FGD6: variants seen among roughly 807,000 people sequenced by gnomAD.
FGD6 encodes the protein FYVE, RhoGEF and PH domain containing 6, also known as FYVE, RhoGEF and PH domain-containing protein 6.
In FGD6, 90 loss-of-function variants were observed where a neutral mutation model predicts 149.4. The ratio of observed to expected loss-of-function variants is 0.60; its 90% CI spans 0.51 to 0.72. The LOEUF (loss-of-function observed/expected upper bound fraction) is 0.72, where lower values mean the gene tolerates loss of function less well. Among genes scored for constraint, FGD6 ranks in the 30% least tolerant of loss-of-function variants. FGD6 has a pLI of 0.00. For missense variants in FGD6, 1,437 were observed against 1,684.8 expected, an observed-to-expected ratio of 0.85 and a Z score of 2.57; for synonymous variants, 527 against 584.0, an observed-to-expected ratio of 0.90 and a Z score of 1.41.
At chr12:95,206,698 GAAAAAAAAA>G (rs746280054) in intron 2 of FGD6, among the ~76,000 whole-genome samples, 1 of 114,806 alleles carries the variant, frequency 8.7e-6, no homozygotes, top group African/African-American at 3.1e-5. Flanking sequence ...TGTCTCCAAA[GAAAAAAAAA>G]AAAAAAAAGA....
In FGD6 at chr12:95,137,211, G is replaced by A. The variant is rs145747957; in HGVS notation, c.2994+311C>T. Among the ~76,000 whole-genome samples, 479 of 152,164 alleles carry A rather than the reference G, an allele frequency of 3.1e-3. 2 individuals carry two copies. The highest frequency in any genetic ancestry group is 8.9e-3 in the Admixed American group (136 of 15,268). The stretch of plus-strand genomic sequence containing the variant: ...GGAGAATCACTTGAACCTGGGAGGC[G>A]GAGGTTGCAGTGAGCCAATCTACGT... On this transcript the variant is annotated intron_variant, in intron 7 of 20. Coordinates refer to ENST00000343958, the MANE Select transcript of FGD6 (RefSeq NM_018351.4).
chr12:95,103,830 C>T (rs1238063325), intron 14 of FGD6, among the ~76,000 whole-genome samples: 1 of 152,206 alleles, frequency 6.6e-6, no homozygotes, highest in Non-Finnish European at 1.5e-5. Flanking sequence ...GCTACTGCAC[C>T]CAGCCCATAA....
chr12:95,209,917 G>A lies in FGD6; in HGVS notation c.1367C>T (p.Pro456Leu). The change falls in exon 2 of 21, where the codon CCT (proline) becomes CTT (leucine). Residue 456 changes from proline (P) to leucine (L), a missense_variant. By Grantham distance (98) the Pro-to-Leu change is moderately conservative (BLOSUM62 -3). This residue lies in a region of FGD6 where 1,055 missense variants were observed against 1,146.0 expected (regional missense o/e 0.92). Coordinates refer to ENST00000343958, the MANE Select transcript of FGD6 (RefSeq NM_018351.4). ...FIRCTVSMSL[P>L]KQLKLTCNEH... ...ATTGCAAGTTAATTTGAGCTGCTTAGGCAGGCTCATAGATACAGTACATCT... is the reference window on the plus strand; with the variant it reads ...ATTGCAAGTTAATTTGAGCTGCTTAAGCAGGCTCATAGATACAGTACATCT... 6.2e-7 allele frequency: 1 copy of A among 1,613,514 alleles called. No individual in the cohort carries two copies. Among genetic ancestry groups the A allele is most frequent in the Non-Finnish European group, 8.5e-7 (1 of 1,179,930 alleles).
chr12:95,158,068 G>A lies in FGD6; in HGVS notation c.2587-5075C>T, dbSNP rs111757247. Reference sequence around the variant, plus strand: ...TGACCATGTTGGCCAGCATGGTCTCGATCTCCTGACCTCGTGATCCACCTG... The same window carrying A: ...TGACCATGTTGGCCAGCATGGTCTCAATCTCCTGACCTCGTGATCCACCTG... On this transcript the variant is annotated intron_variant, in intron 3 of 20. Transcript: ENST00000343958. Among the ~76,000 whole-genome samples, 6 of 151,636 alleles carry A rather than the reference G, an allele frequency of 4.0e-5. No individual in the cohort carries two copies. In the South Asian group the frequency reaches 8.3e-4, roughly 21 times the overall value.
intron 8 of FGD6, among the ~76,000 whole-genome samples, chr12:95,132,623 ACGCCTGTAGTCCCAGCTACTCGG>A (rs1879554989): frequency 6.6e-6 from 1 of 151,910 alleles, no homozygotes; most frequent in Non-Finnish European, 1.5e-5. Context: ...GTGGTGGCAT[ACGCCTGTAGTCCCAGCTACTCGG>A]GAGGCTGAGG....
chr12:95,130,550 T>C (rs567258398), intron 8 of FGD6, among the ~76,000 whole-genome samples: 1 of 152,326 alleles, frequency 6.6e-6, no homozygotes, highest in South Asian at 2.1e-4. Context: ...TTAACATGTT[T>C]GAAAGATGCA....
intron 1 of FGD6, among the ~76,000 whole-genome samples, chr12:95,213,379 G>A (rs576585611): frequency 2.6e-5 from 4 of 152,216 alleles, no homozygotes; most frequent in Admixed American, 1.3e-4. Flanking sequence ...AGGAATTGGA[G>A]ACCAGCCTGG....
intron 9 of FGD6, 34 bp downstream of exon 9, chr12:95,113,617 T>A: frequency 1.3e-6 from 2 of 1,494,604 alleles, no homozygotes; most frequent in Non-Finnish European, 1.8e-6. Context: ...ATAAACATAA[T>A]ATAAAAACTT....
rs1383724025 is a variant in FGD6 at position 95,132,651 on chromosome 12, C to T, written c.3082+2088G>A. On this transcript the variant is annotated intron_variant, in intron 8 of 20. Transcript: ENST00000343958. Reference sequence around the variant, plus strand: ...CCTGTAGTCCCAGCTACTCGGGAGGCTGAGGCAGGAGAATCTCTTGAATCC... The same window carrying T: ...CCTGTAGTCCCAGCTACTCGGGAGGTTGAGGCAGGAGAATCTCTTGAATCC... 2.0e-5 allele frequency among the ~76,000 whole-genome samples: 3 copies of T among 152,094 alleles called. No individual in the cohort carries two copies. In the East Asian group the frequency reaches 5.8e-4, roughly 29 times the overall value.
intron 2 of FGD6, among the ~76,000 whole-genome samples, chr12:95,180,092 AAG>A (rs1555221732): frequency 0.013 from 2,032 of 151,720 alleles, 45 homozygotes; most frequent in African/African-American, 0.046. Flanking sequence ...AAAAAAAAAA[AAG>A]GAGGTAGATC....
intron 8 of FGD6, chr12:95,126,075 G>C: frequency 2.5e-6 from 3 of 1,177,114 alleles, no homozygotes; most frequent in South Asian, 2.4e-5. Flanking sequence ...CAAGATGACA[G>C]ATTCTGATCA....
intron 8 of FGD6, among the ~76,000 whole-genome samples, chr12:95,123,999 G>A (rs760714766): frequency 8.0e-5 from 12 of 150,082 alleles, no homozygotes; most frequent in Admixed American, 1.3e-4. Flanking sequence ...CACCAACCTC[G>A]ACCTCCTGGA....
chr12:95,083,012 A>AAAATTTATAT (rs68032073), intron 20 of FGD6, among the ~76,000 whole-genome samples: 16 of 20,020 alleles, frequency 8.0e-4, no homozygotes, highest in Non-Finnish European at 1.3e-3. Flanking sequence ...AAAAAAAAAA[A>AAAATTTATAT]ATATATATAT....
At chr12:95,176,705 A>T (rs1252805170) in intron 2 of FGD6, among the ~76,000 whole-genome samples, 1 of 152,170 alleles carries the variant, frequency 6.6e-6, no homozygotes, top group Non-Finnish European at 1.5e-5. Flanking sequence ...TCTATATGCT[A>T]GTTTCTATAT....
intron 16 of FGD6, 124 bp from the exon 17 acceptor site, chr12:95,091,933 C>T (rs1878068484): frequency 1.5e-6 from 1 of 668,598 alleles, no homozygotes; most frequent in African/African-American, 1.8e-5. Context: ...CACTGAGTCT[C>T]ACTTCGTCTC....
At chr12:95,207,097 GA>G (rs1236724483) in intron 2 of FGD6, among the ~76,000 whole-genome samples, 1 of 151,914 alleles carries the variant, frequency 6.6e-6, no homozygotes, top group Non-Finnish European at 1.5e-5. Context: ...TCGTGGGAGG[GA>G]CCCGGTGGGA....
rs545569820 is a variant in FGD6 at position 95,169,658 on chromosome 12, A to C, written c.2586+2942T>G. Among the ~76,000 whole-genome samples the C allele has an allele frequency of 4.6e-5, 7 of 152,296 alleles. No individual in the cohort carries two copies. In the East Asian group the frequency reaches 1.4e-3, roughly 29 times the overall value. ...CAGTGAGATCCCTGATAGAATGTGG[A>C]AACCAATTTTGGTCAGTGCTCCAAG... On this transcript the variant is annotated intron_variant, in intron 3 of 20. Transcript: ENST00000343958.
chr12:95,205,267 C>A (rs1340453428), intron 2 of FGD6, among the ~76,000 whole-genome samples: 60 of 142,592 alleles, frequency 4.2e-4, no homozygotes, highest in South Asian at 6.7e-4. Flanking sequence ...GACTCTGTCT[C>A]AAAAAAAAAA....
intron 5 of FGD6, among the ~76,000 whole-genome samples, chr12:95,148,394 C>T (rs958207002): frequency 1.1e-4 from 17 of 149,290 alleles, no homozygotes; most frequent in East Asian, 1.9e-4. Flanking sequence ...AGGAAATGTA[C>T]GTCTCCACCT....
Sources: gnomAD v4.1 joint callset for allele counts (sites outside exome capture counted in the v4.1 genomes callset) on GRCh38, gnomAD v4.1.1 for gene constraint, gnomAD v4.1.1 regional missense constraint, MANE v1.5 for transcripts, NCBI Gene and HGNC (gene_info 2026-07-23, HGNC 2026-07-21) for gene names.